RAD51B: variants seen among roughly 807,000 people sequenced by gnomAD.
The protein encoded by RAD51B is RAD51 paralog B, also known as DNA repair protein RAD51 homolog 2.
RAD51B carries 38 observed loss-of-function variants against 42.2 expected under a neutral mutation model. The observed-to-expected ratio is 0.90, with a 90% confidence interval of 0.70 to 1.18. RAD51B has a LOEUF of 1.18. RAD51B is among the 50% of genes most tolerant of loss of function. The probability of loss-of-function intolerance (pLI) is 0.00; values close to 1 mark genes in which losing one functional copy is unlikely to be tolerated. For synonymous variants in RAD51B, 154 were observed against 145.2 expected, an observed-to-expected ratio of 1.06 and a Z score of -0.43; for missense variants, 373 against 400.7, an observed-to-expected ratio of 0.93 and a Z score of 0.59.
At chr14:68,200,776 C>T (rs2079468284) in intron 7 of RAD51B, among the ~76,000 whole-genome samples, 1 of 152,140 alleles carries the variant, frequency 6.6e-6, no homozygotes, top group South Asian at 2.1e-4. Flanking sequence ...ACCTCAGCCT[C>T]CCAAGTAACT....
chr14:68,511,030 A>G (rs1260988852), intron 10 of RAD51B, among the ~76,000 whole-genome samples: 1 of 152,128 alleles, frequency 6.6e-6, no homozygotes. Context: ...ATGCTCATCT[A>G]AAGCTGGTCT....
chr14:67,973,086 A>G (rs1267562244), intron 7 of RAD51B, among the ~76,000 whole-genome samples: 1 of 152,134 alleles, frequency 6.6e-6, no homozygotes, highest in Non-Finnish European at 1.5e-5. Context: ...GTAATTGGCC[A>G]TATCTATCAG....
intron 9 of RAD51B, among the ~76,000 whole-genome samples, chr14:68,443,849 A>C (rs1032741666): frequency 1.3e-5 from 2 of 152,148 alleles, no homozygotes; most frequent in Admixed American, 6.5e-5. Context: ...TTTAAAAAAA[A>C]AAAACAAAAC....
At chr14:67,825,699 A>G (rs2040808280) in intron 3 of RAD51B, 122 bp downstream of exon 3, 7 of 688,024 alleles carry the variant, frequency 1.0e-5, no homozygotes, top group Admixed American at 7.5e-5. Context: ...TGAGTTTTCT[A>G]CTATAGAAGT....
chr14:68,379,726 C>G (rs1435482782), intron 8 of RAD51B, among the ~76,000 whole-genome samples: 3 of 152,168 alleles, frequency 2.0e-5, no homozygotes, highest in Middle Eastern at 3.2e-3. Context: ...CCATTCCTCC[C>G]ATAGTATGGT....
intron 7 of RAD51B, among the ~76,000 whole-genome samples, chr14:68,207,732 C>A (rs1595553488): frequency 1.3e-5 from 2 of 151,994 alleles, no homozygotes; most frequent in East Asian, 3.9e-4. Flanking sequence ...AGAAAGAATT[C>A]CAGCAGTCCA....
chr14:67,847,848 C>T (rs2041672694), intron 4 of RAD51B, among the ~76,000 whole-genome samples: 1 of 151,796 alleles, frequency 6.6e-6, no homozygotes, highest in African/African-American at 2.4e-5. Flanking sequence ...ATTTTTCTGC[C>T]TTGATGATCT....
chr14:68,613,700 C>T (rs918902104), downstream of RAD51B, among the ~76,000 whole-genome samples: 7 of 151,932 alleles, frequency 4.6e-5, no homozygotes, highest in African/African-American at 7.2e-5. Flanking sequence ...GTGATCCACC[C>T]GCCTTGACCT....
intron 11 of RAD51B, among the ~76,000 whole-genome samples, chr14:68,668,123 G>A (rs1343617522): frequency 6.6e-6 from 1 of 152,166 alleles, no homozygotes; most frequent in Admixed American, 6.5e-5. Context: ...GAATACCCAG[G>A]TGCTCATTTT....
At chr14:68,251,062 C>A (rs2080619312) in intron 7 of RAD51B, among the ~76,000 whole-genome samples, 2 of 152,100 alleles carry the variant, frequency 1.3e-5, no homozygotes, top group South Asian at 2.1e-4. Flanking sequence ...AGATGCTGGA[C>A]AAAACAACTT....
At chr14:67,824,875 G>A (rs902450017) in intron 2 of RAD51B, among the ~76,000 whole-genome samples, 2 of 151,338 alleles carry the variant, frequency 1.3e-5, no homozygotes, top group South Asian at 2.1e-4. Context: ...TCAGGAGTTC[G>A]AGACTAGCCT....
chr14:68,385,096 AC>A (rs1365974926), intron 8 of RAD51B, among the ~76,000 whole-genome samples: 2 of 151,544 alleles, frequency 1.3e-5, no homozygotes, highest in African/African-American at 4.9e-5. Context: ...TAGTTCGGAC[AC>A]CACATTGTGT....
intron 7 of RAD51B, among the ~76,000 whole-genome samples, chr14:68,278,035 G>T (rs370507415): frequency 2.2e-4 from 33 of 152,314 alleles, no homozygotes; most frequent in African/African-American, 7.7e-4. Flanking sequence ...GAGCCACTGC[G>T]ACCAGCCAGA....
chr14:68,136,550 T>C (rs28429624), intron 7 of RAD51B, among the ~76,000 whole-genome samples: 10,209 of 39,320 alleles, frequency 0.26, 3,417 homozygotes, highest in East Asian at 0.79. Flanking sequence ...TGCACTGTAG[T>C]GTGGTGACAA....
intron 10 of RAD51B, among the ~76,000 whole-genome samples, chr14:68,647,719 C>T (rs1892590120): frequency 6.6e-6 from 1 of 152,046 alleles, no homozygotes. Context: ...GTTGTTGTTG[C>T]CCAGGCTGGA....
At chr14:68,646,758 A>G (rs10149893) in intron 10 of RAD51B, among the ~76,000 whole-genome samples, 33,601 of 152,164 alleles carry the variant, frequency 0.22, 3,991 homozygotes, top group Middle Eastern at 0.27. Context: ...ATGGTGTTCA[A>G]TGAGTTTCTA....
rs974049661 is a variant in RAD51B at position 67,875,633 on chromosome 14, G to A, written c.453-10236G>A. Among the ~76,000 whole-genome samples, 11 of 152,170 alleles carry A rather than the reference G, an allele frequency of 7.2e-5. 1 individual carries two copies. Among genetic ancestry groups the A allele is most frequent in the African/African-American group, 2.2e-4 (9 of 41,444 alleles). On this transcript the variant is annotated intron_variant, in intron 5 of 10. Coordinates refer to ENST00000471583, the MANE Select transcript of RAD51B (RefSeq NM_133510.4). ...AGGCTATACCATATAGCCTCAGTGT[G>A]TAGTAGGCTATACTATCTAGGTTTG... is the stretch of plus-strand genomic sequence containing the variant.
At position 67,893,467 on chromosome 14, in the gene RAD51B, GACAC is replaced by G. The variant is rs756541648; in HGVS notation, c.756+6303_756+6306del. On this transcript the variant is annotated intron_variant, in intron 7 of 10. Coordinates refer to ENST00000471583, the MANE Select transcript of RAD51B (RefSeq NM_133510.4). Reference sequence around the variant, plus strand: ...TCATCTTCTCACACACACAGACACAGACACACACACACACACACACACACACACA... The same window carrying G: ...TCATCTTCTCACACACACAGACACAGACACACACACACACACACACACACA... Among the ~76,000 whole-genome samples the G allele has an allele frequency of 6.3e-3, 706 of 111,264 alleles. 15 individuals carry two copies. The highest frequency in any genetic ancestry group is 0.015 in the Admixed American group (154 of 10,434). The allele number at this position is 111,264 out of a possible 152,430, so 73.0% of individuals were successfully genotyped here.
At chr14:68,655,672 G>T (rs747823746) in intron 11 of RAD51B, among the ~76,000 whole-genome samples, 1 of 152,190 alleles carries the variant, frequency 6.6e-6, no homozygotes, top group African/African-American at 2.4e-5. Flanking sequence ...ACGCCCACCC[G>T]CGGGGCACTC....
Sources: allele counts gnomAD v4.1 joint callset (sites outside exome capture counted in the v4.1 genomes callset), GRCh38; gene constraint gnomAD v4.1.1; transcripts MANE v1.5; gene names NCBI Gene and HGNC (gene_info 2026-07-23, HGNC 2026-07-21).